Variants in ABLIM3 observed in about 807,000 individuals in gnomAD.
ABLIM3 encodes actin binding LIM protein family member 3, also known as actin-binding LIM protein 3.
In ABLIM3, 61 loss-of-function variants were observed where a neutral mutation model predicts 109.5. That is an observed-to-expected ratio of 0.56 (90% CI 0.45 to 0.69). The LOEUF is 0.69. Among genes scored for constraint, ABLIM3 ranks in the 30% least tolerant of loss-of-function variants. ABLIM3 has a pLI of 0.00. For missense variants in ABLIM3, 796 were observed against 889.5 expected, an observed-to-expected ratio of 0.89 and a Z score of 1.34; for synonymous variants, 300 against 324.8, an observed-to-expected ratio of 0.92 and a Z score of 0.82.
Position 149,208,770 on chromosome 5 carries a change from A to G in ABLIM3, c.575+1636A>G, listed in dbSNP as rs79624042. 1.4e-3 allele frequency among the ~76,000 whole-genome samples: 214 copies of G among 152,334 alleles called. 3 individuals carry two copies. The East Asian group carries it at 0.02, about 15-fold the overall frequency. ...CAGGCGAGGTACTATTATCAGCAGAAGGGGAAATGGATGCTGGCCAAACAA... is the reference window on the plus strand; with the variant it reads ...CAGGCGAGGTACTATTATCAGCAGAGGGGGAAATGGATGCTGGCCAAACAA... On this transcript the variant is annotated intron_variant, in intron 6 of 23. Coordinates refer to ENST00000309868, the MANE Select transcript of ABLIM3 (RefSeq NM_014945.5).
intron 2 of ABLIM3, among the ~76,000 whole-genome samples, chr5:149,146,890 T>C (rs1030612407): frequency 1.3e-5 from 2 of 152,238 alleles, no homozygotes; most frequent in African/African-American, 4.8e-5. Context: ...ATTGAATCTA[T>C]AAATTGCTTT....
At chr5:149,217,794 A>T (rs1257743688) in intron 8 of ABLIM3, 1 of 152,246 alleles carries the variant, frequency 6.6e-6, no homozygotes, top group Non-Finnish European at 1.5e-5. Context: ...TGTAGCCTTG[A>T]ACATACCCGA....
chr5:149,188,929 C>T (rs765624641), intron 3 of ABLIM3, among the ~76,000 whole-genome samples: 1 of 152,094 alleles, frequency 6.6e-6, no homozygotes, highest in African/African-American at 2.4e-5. Flanking sequence ...TTAAAAAGAA[C>T]GAAGTTGGAG....
Position 149,237,507 on chromosome 5 carries a change from G to T in ABLIM3, c.948G>T (p.Lys316Asn), listed in dbSNP as rs754479019. The T allele has an allele frequency of 1.2e-6, 2 of 1,614,176 alleles. No homozygotes were observed. The highest frequency in any genetic ancestry group is 1.7e-5 in the Admixed American group (1 of 60,018). ...ACCTGGCGGCTCTCCCCAAGGTTAAGTCTATCTACGAGGTACAACGCCCCG... is the reference window on the plus strand; with the variant it reads ...ACCTGGCGGCTCTCCCCAAGGTTAATTCTATCTACGAGGTACAACGCCCCG... Reference protein sequence around the residue: ...YKDLAALPKVKSIYEVQRPDL... With the variant: ...YKDLAALPKVNSIYEVQRPDL... The change falls in exon 11 of 24, where the codon AAG becomes AAT. Residue 316 changes from lysine (K) to asparagine (N), a missense_variant. Lys to Asn is a moderately conservative substitution (Grantham distance 94, BLOSUM62 0). Transcript: ENST00000309868.
intron 2 of ABLIM3, among the ~76,000 whole-genome samples, chr5:149,153,453 A>G (rs1185412996): frequency 6.6e-6 from 1 of 152,190 alleles, no homozygotes; most frequent in Non-Finnish European, 1.5e-5. Flanking sequence ...GGAAGAGGTT[A>G]GGGGAGCAGG....
intron 20 of ABLIM3, 109 bp downstream of exon 20, chr5:149,250,614 G>A: frequency 7.5e-7 from 1 of 1,329,164 alleles, no homozygotes; most frequent in Non-Finnish European, 1.1e-6. Flanking sequence ...TGGGGCTAGT[G>A]GTGGGTTAAC....
At chr5:149,249,688 G>A in intron 18 of ABLIM3, 127 bp from the exon 19 acceptor site, 1 of 1,014,498 alleles carries the variant, frequency 9.9e-7, no homozygotes, top group South Asian at 1.4e-5. Flanking sequence ...GGGGCTGCAG[G>A]AGGCCCCTTT....
chr5:149,186,487 C>A (rs1387727367), intron 3 of ABLIM3, among the ~76,000 whole-genome samples: 1 of 151,960 alleles, frequency 6.6e-6, no homozygotes, highest in Non-Finnish European at 1.5e-5. Flanking sequence ...GGATTCATGA[C>A]TATATTCGTG....
intron 2 of ABLIM3, among the ~76,000 whole-genome samples, chr5:149,178,567 T>C (rs530418108): frequency 1.7e-4 from 26 of 152,310 alleles, no homozygotes; most frequent in African/African-American, 6.0e-4. Context: ...TTAAAGACAC[T>C]CTATTAAAAT....
At chr5:149,212,500 A>G (rs369509433) in intron 7 of ABLIM3, among the ~76,000 whole-genome samples, 2 of 152,044 alleles carry the variant, frequency 1.3e-5, no homozygotes, top group South Asian at 2.1e-4. Flanking sequence ...GCTGGAAGGG[A>G]TGAGTGAGGA....
At chr5:149,251,794 G>T (rs1753954206) in intron 21 of ABLIM3, among the ~76,000 whole-genome samples, 1 of 152,184 alleles carries the variant, frequency 6.6e-6, no homozygotes, top group African/African-American at 2.4e-5. Flanking sequence ...CCTGCTCTCT[G>T]CCAGTGATGC....
At chr5:149,224,211 T>C (rs1481232295) in intron 8 of ABLIM3, among the ~76,000 whole-genome samples, 1 of 152,102 alleles carries the variant, frequency 6.6e-6, no homozygotes, top group African/African-American at 2.4e-5. Flanking sequence ...TAAGAATACT[T>C]AGGGCCTGGC....
intron 15 of ABLIM3, 140 bp from the exon 16 acceptor site, chr5:149,244,741 G>C: frequency 9.5e-7 from 1 of 1,053,056 alleles, no homozygotes; most frequent in Non-Finnish European, 1.4e-6. Context: ...GATGCTCCAT[G>C]GCCCAGTTCT....
At chr5:149,235,706 C>T (rs13161048) in intron 10 of ABLIM3, among the ~76,000 whole-genome samples, 47,400 of 152,112 alleles carry the variant, frequency 0.31, 8,977 homozygotes, top group East Asian at 0.59. Context: ...AGTGGACTCT[C>T]ATCTAATAAA....
intron 7 of ABLIM3, among the ~76,000 whole-genome samples, chr5:149,212,357 C>G (rs1759646277): frequency 6.6e-6 from 1 of 152,042 alleles, no homozygotes; most frequent in Admixed American, 6.6e-5. Flanking sequence ...CCTGGGATAC[C>G]AGGGTGGAGT....
intron 3 of ABLIM3, among the ~76,000 whole-genome samples, chr5:149,186,082 G>A (rs531499456): frequency 6.6e-6 from 1 of 152,192 alleles, no homozygotes; most frequent in Non-Finnish European, 1.5e-5. Flanking sequence ...TGGCTCTGGA[G>A]AGGGAGAGAG....
intron 8 of ABLIM3, chr5:149,220,959 G>A (rs530641297): frequency 2.6e-5 from 4 of 152,242 alleles, no homozygotes; most frequent in Non-Finnish European, 5.9e-5. Context: ...GAAACCAACA[G>A]TGCCAAATAG....
chr5:149,161,648 A>G (rs1754381664), intron 2 of ABLIM3, among the ~76,000 whole-genome samples: 1 of 152,154 alleles, frequency 6.6e-6, no homozygotes, highest in Admixed American at 6.5e-5. Flanking sequence ...GCATTAATCT[A>G]GCTTAGAGAG....
intron 21 of ABLIM3, 86 bp from the exon 22 acceptor site, chr5:149,252,115 G>C: frequency 6.7e-7 from 1 of 1,502,676 alleles, no homozygotes; most frequent in Non-Finnish European, 9.1e-7. Context: ...GACCCCCTGA[G>C]AGAGTAGGAC....
Sources: allele counts gnomAD v4.1 joint callset (sites outside exome capture counted in the v4.1 genomes callset), GRCh38; gene constraint gnomAD v4.1.1; transcripts MANE v1.5; gene names NCBI Gene and HGNC (gene_info 2026-07-23, HGNC 2026-07-21).